Variants in NAGK observed in about 807,000 individuals in gnomAD.
The protein encoded by NAGK is N-acetylglucosamine kinase, also known as N-acetyl-D-glucosamine kinase.
Under a neutral mutation model 42.9 loss-of-function variants are expected in NAGK, and 35 were observed. The observed-to-expected ratio is 0.82, with a 90% CI of 0.62 to 1.08. NAGK has a LOEUF of 1.08. Among genes scored for constraint, NAGK ranks in the 50% least tolerant of loss-of-function variants. NAGK has a pLI of 0.00. For missense variants in NAGK, 446 were observed against 446.0 expected, an observed-to-expected ratio of 1.00 and a Z score of 0.00; for synonymous variants, 172 against 176.0, an observed-to-expected ratio of 0.98 and a Z score of 0.18.
rs761507949 is a variant in NAGK, at chr2:71,075,653, T to TG, written c.667+17dup. On this transcript the variant is annotated intron_variant, in intron 7 of 9. Coordinates refer to ENST00000244204, the MANE Select transcript of NAGK (RefSeq NM_017567.6). ...GGAAAATTGCAGAAGGTACTGGAGG[T>TG]GGGGGGTGGGTTTTATCTGGCTTTG... 2.5e-6 allele frequency: 4 copies of TG among 1,576,974 alleles called. No homozygotes were observed. Among genetic ancestry groups the TG allele is most frequent in the Non-Finnish European group, 2.6e-6 (3 of 1,146,980 alleles).
At position 71,071,676 on chromosome 2, in the gene NAGK, C is replaced by T. The variant is rs760983598; in HGVS notation, c.214-10C>T. ...GCTCTGCACACTCGCTCACCTCCCG[C>T]GTGGCCTAGGGCCTATCTCTGAGCG... On this transcript the variant is annotated splice_polypyrimidine_tract_variant and intron_variant, in intron 3 of 9. Transcript: ENST00000244204. 12 of 1,609,640 alleles carry T rather than the reference C, an allele frequency of 7.5e-6. No individual in the cohort carries two copies. Among genetic ancestry groups the T allele is most frequent in the Non-Finnish European group, 1.0e-5 (12 of 1,178,234 alleles).
At position 71,068,653 on chromosome 2, in the gene NAGK, C is replaced by T. The variant is rs767254099; in HGVS notation, c.-31C>T. Reference sequence around the variant, plus strand: ...GGTGTCAGGCGGGGAGAGACGCAAACGGCGGGACCAGCAGCGACGGTAGCA... The same window carrying T: ...GGTGTCAGGCGGGGAGAGACGCAAATGGCGGGACCAGCAGCGACGGTAGCA... On this transcript the variant is annotated 5_prime_UTR_variant, in exon 1 of 10. In the 5' UTR this introduces an upstream ATG that the reference lacks. Transcript: ENST00000244204. 21 of 1,521,604 alleles carry T rather than the reference C, an allele frequency of 1.4e-5. No homozygotes were observed. The highest frequency in any genetic ancestry group is 1.8e-5 in the Non-Finnish European group (20 of 1,134,442). The allele number at this position is 1,521,604 out of a possible 1,614,324, so 94.3% of individuals were successfully genotyped here.
chr2:71,076,479 C>G, intron 7 of NAGK, 125 bp from the exon 8 acceptor site: 1 of 698,486 alleles, frequency 1.4e-6, no homozygotes, highest in South Asian at 1.8e-5. Context: ...GGGCATCCAT[C>G]CGGCAGTAGA....
At chr2:71,078,270 C>A in intron 9 of NAGK, 48 bp from the exon 10 acceptor site, 2 of 1,572,290 alleles carry the variant, frequency 1.3e-6, no homozygotes, top group Non-Finnish European at 1.8e-6. Flanking sequence ...GGCCCCAGTA[C>A]AGGTTGCTGT....
rs1672310682 is a variant in NAGK, at chr2:71,078,763, C to G, written c.*255C>G. ...TAAAGCCCTGCCCCCAGGTGCTCAGCCTGTGATCTGTATCCACTCAGCATG... is the reference window on the plus strand; with the variant it reads ...TAAAGCCCTGCCCCCAGGTGCTCAGGCTGTGATCTGTATCCACTCAGCATG... On this transcript the variant is annotated 3_prime_UTR_variant, in exon 10 of 10. Coordinates refer to ENST00000244204, the MANE Select transcript of NAGK (RefSeq NM_017567.6). The G allele has an allele frequency of 4.4e-6, 2 of 459,610 alleles. No individual in the cohort carries two copies. The highest frequency in any genetic ancestry group is 4.2e-5 in the East Asian group (1 of 23,936). The allele number at this position is 459,610 out of a possible 1,614,324, so 28.5% of individuals were successfully genotyped here. A position where few individuals can be genotyped will look rare whatever the true frequency, so the allele number is the denominator to read the frequency against.
In NAGK at chr2:71,077,664, A is replaced by G. The variant is rs750967220; in HGVS notation, c.844+28A>G. On this transcript the variant is annotated intron_variant, in intron 9 of 9. Coordinates refer to ENST00000244204, the MANE Select transcript of NAGK (RefSeq NM_017567.6). ...GAGCCTGGGGGGAGGCTGGAAGGGC[A>G]AGGGCAGGGGACGGGGCTGGAAAGG... The G allele has an allele frequency of 4.4e-6, 7 of 1,586,744 alleles. No individual in the cohort carries two copies. The Admixed American group carries it at 1.1e-4, about 24-fold the overall frequency.
chr2:71,071,804 C>G lies in NAGK; in HGVS notation c.332C>G (p.Ser111Cys). The change falls in exon 4 of 10, where the codon TCC becomes TGC. Residue 111 changes from serine (S) to cysteine (C), a missense_variant. Coordinates refer to ENST00000244204, the MANE Select transcript of NAGK (RefSeq NM_017567.6). ...SYLITTDAAG[S>C]IATATPDGGV... ...TTAATCACCACCGATGCCGCCGGCT[C>G]CATCGCCACAGCTACACCGGATGGT... 1 of 1,614,122 alleles carries G rather than the reference C, an allele frequency of 6.2e-7. No homozygotes were observed. Among genetic ancestry groups the G allele is most frequent in the Non-Finnish European group, 8.5e-7 (1 of 1,180,008 alleles).
Position 71,070,502 on chromosome 2 carries a change from G to A in NAGK, c.30G>A (p.Gly10=), listed in dbSNP as rs1671960324. Residue 10 remains glycine (G), a splice_region_variant and synonymous_variant, in exon 2 of 10, where the codon GGG becomes GGA. Transcript: ENST00000244204. MAAIYGGVE[G]GGTRSEVLLV... ...TCAAGTGCCCTCTTGTGTTCTGTAG[G>A]GGAGGCACACGATCCGAGGTCCTTT... is the stretch of plus-strand genomic sequence containing the variant. 5 of 1,613,560 alleles carry A rather than the reference G, an allele frequency of 3.1e-6. No individual in the cohort carries two copies. Among genetic ancestry groups the A allele is most frequent in the Middle Eastern group, 3.3e-4 (2 of 6,054 alleles).
rs1047217090 is a variant in NAGK, at chr2:71,076,593, C to G, written c.668-11C>G. 2 of 1,603,918 alleles carry G rather than the reference C, an allele frequency of 1.2e-6. No individual in the cohort carries two copies. Among genetic ancestry groups the G allele is most frequent in the South Asian group, 2.2e-5 (2 of 90,736 alleles). ...CTCACCAGTTTCCTTCTTCCGTCCT[C>G]CCTACCCCAGGTGCTCAGCAGGGAG... On this transcript the variant is annotated splice_polypyrimidine_tract_variant and intron_variant, in intron 7 of 9. Transcript: ENST00000244204.
intron 5 of NAGK, 129 bp downstream of exon 5, chr2:71,072,880 T>G: frequency 1.3e-6 from 1 of 781,538 alleles, no homozygotes; most frequent in Non-Finnish European, 2.2e-6. Flanking sequence ...AACCTGGCCA[T>G]TCCATGTGCA....
Position 71,075,547 on chromosome 2 carries a change from C to T in NAGK, c.580-8C>T. The T allele has an allele frequency of 6.2e-7, 1 of 1,608,182 alleles. No individual in the cohort carries two copies. The highest frequency in any genetic ancestry group is 1.1e-5 in the South Asian group (1 of 90,828). ...CTGATGACTCTCTTGTGCCCTTTCT[C>T]CTCTCAGGTGCCAGATCGGCTAGGG... On this transcript the variant is annotated splice_region_variant and splice_polypyrimidine_tract_variant and intron_variant, in intron 6 of 9. Transcript: ENST00000244204.
rs956654671 is a variant in NAGK at position 71,071,720 on chromosome 2, C to T, written c.248C>T (p.Ala83Val). 22 of 1,613,794 alleles carry T rather than the reference C, an allele frequency of 1.4e-5. No individual in the cohort carries two copies. In the East Asian group the frequency reaches 1.8e-4, roughly 13 times the overall value. Residue 83 changes from alanine to valine, a missense_variant, in exon 4 of 10, where the codon GCG (alanine) becomes GTG (valine). Coordinates refer to ENST00000244204, the MANE Select transcript of NAGK (RefSeq NM_017567.6). ...CTGAGCGGTGGGGACCAGGAGGACGCGGGGAGGATCCTGATCGAGGAGCTG... is the reference window on the plus strand; with the variant it reads ...CTGAGCGGTGGGGACCAGGAGGACGTGGGGAGGATCCTGATCGAGGAGCTG... ...LSLSGGDQEDAGRILIEELRD... is the reference protein window; with the variant it reads ...LSLSGGDQEDVGRILIEELRD...
chr2:71,074,377 G>A (rs1672135855), intron 6 of NAGK, among the ~76,000 whole-genome samples: 1 of 152,032 alleles, frequency 6.6e-6, no homozygotes, highest in African/African-American at 2.4e-5. Context: ...GAATAGGAGG[G>A]GACCAGGAAG....
chr2:71,072,674 A>C lies in NAGK; in HGVS notation c.389A>C (p.Asn130Thr), dbSNP rs763848842. The C allele has an allele frequency of 1.5e-5, 24 of 1,613,952 alleles. No homozygotes were observed. Among genetic ancestry groups the C allele is most frequent in the Non-Finnish European group, 1.9e-5 (23 of 1,179,978 alleles). Residue 130 changes from asparagine (N) to threonine (T), a missense_variant, in exon 5 of 10, where the codon AAC (asparagine) becomes ACC (threonine). Transcript: ENST00000244204. ...GVVLISGTGS[N>T]CRLINPDGSE... ...GTGCTCATATCTGGAACAGGCTCCA[A>C]CTGCAGGCTCATCAACCCTGATGGC...
chr2:71,070,506 G>T lies in NAGK; in HGVS notation c.34G>T (p.Gly12Cys). 6.2e-7 allele frequency: 1 copy of T among 1,613,820 alleles called. No individual in the cohort carries two copies. Among genetic ancestry groups the T allele is most frequent in the South Asian group, 1.1e-5 (1 of 90,990 alleles). Residue 12 changes from glycine (G) to cysteine (C), a missense_variant, in exon 2 of 10, where the codon GGC (glycine) becomes TGC (cysteine). Gly to Cys is a radical substitution (Grantham distance 159, BLOSUM62 -3). Coordinates refer to ENST00000244204, the MANE Select transcript of NAGK (RefSeq NM_017567.6). ...GTGCCCTCTTGTGTTCTGTAGGGGA[G>T]GCACACGATCCGAGGTCCTTTTAGT... ...AAIYGGVEGG[G>C]TRSEVLLVSE...
At chr2:71,069,671 A>C (rs972095667) in intron 1 of NAGK, 2 of 154,648 alleles carry the variant, frequency 1.3e-5, no homozygotes, top group African/African-American at 2.4e-5. Flanking sequence ...CAGTTCGTCA[A>C]GACATGCTTT....
chr2:71,071,602 A>C, intron 3 of NAGK, 84 bp from the exon 4 acceptor site: 1 of 1,491,068 alleles, frequency 6.7e-7, no homozygotes, highest in Non-Finnish European at 9.0e-7. Context: ...GGAGAACAGG[A>C]ATCAGGCATC....
chr2:71,073,280 C>T, intron 5 of NAGK: 2 of 592,718 alleles, frequency 3.4e-6, no homozygotes, highest in Non-Finnish European at 6.0e-6. Flanking sequence ...CTCCAACTTT[C>T]CCTTATCTTG....
chr2:71,073,696 A>G, intron 6 of NAGK, 102 bp downstream of exon 6: 1 of 971,432 alleles, frequency 1.0e-6, no homozygotes, highest in South Asian at 1.3e-5. Flanking sequence ...ACCGGCAGGA[A>G]ATAGGGTGAG....
Sources: allele counts gnomAD v4.1 joint callset (sites outside exome capture counted in the v4.1 genomes callset), GRCh38; gene constraint gnomAD v4.1.1; transcripts MANE v1.5; gene names NCBI Gene and HGNC (gene_info 2026-07-23, HGNC 2026-07-21).